TP53BP1: variants seen among roughly 807,000 people sequenced by gnomAD.
TP53BP1 encodes TP53-binding protein 1.
TP53BP1 carries 61 observed loss-of-function variants against 200.8 expected under a neutral mutation model. The ratio of observed to expected loss-of-function variants is 0.30; its 90% confidence interval spans 0.25 to 0.38. TP53BP1 has a LOEUF of 0.38. Among genes scored for constraint, TP53BP1 ranks in the 10% least tolerant of loss-of-function variants. The probability of loss-of-function intolerance (pLI) is 1.00; values close to 1 mark genes in which losing one functional copy is unlikely to be tolerated. For synonymous variants in TP53BP1, 822 were observed against 844.3 expected, an observed-to-expected ratio of 0.97 and a Z score of 0.46; for missense variants, 2,144 against 2,371.9, an observed-to-expected ratio of 0.90 and a Z score of 2.00.
Position 43,416,254 on chromosome 15 carries a change from G to T in TP53BP1, c.4844C>A (p.Pro1615His). 1 of 1,613,984 alleles carries T rather than the reference G, an allele frequency of 6.2e-7. No individual in the cohort carries two copies. Residue 1615 changes from proline to histidine, a missense_variant, in exon 22 of 28, where the codon CCT becomes CAT. By Grantham distance (77) the Pro-to-His change is moderately conservative (BLOSUM62 -2). Around this residue, in one of 4 missense-constraint regions of TP53BP1, gnomAD observed 334 missense variants for 453.4 expected, o/e 0.74. Transcript: ENST00000382044. ...GCTGATATCTGCTGCCTTTGTAAGA[G>T]GTGTTACTGCTTCATAGGGGCCAAG... ...YGLGPYEAVT[P>H]LTKAADISLD...
In TP53BP1 at chr15:43,432,658, G is replaced by T; in HGVS notation, c.3211C>A (p.Pro1071Thr). The change falls in exon 17 of 28, where the codon CCA becomes ACA. Residue 1071 changes from proline (P) to threonine (T), a missense_variant. Pro to Thr is a conservative substitution (Grantham distance 38). This residue lies in a region of TP53BP1 where 1,700 missense variants were observed against 1,710.3 expected (regional missense o/e 0.99). Coordinates refer to ENST00000382044, the MANE Select transcript of TP53BP1 (RefSeq NM_001141980.3). ...TTCTCCTCTTCTCCTTGAGAACTTG[G>T]AAAGTGGAGCAAGTTCCCCCTGAAA... is the stretch of plus-strand genomic sequence containing the variant. ...TPIRGNLLHF[P>T]SSQGEEEKEK... The T allele has an allele frequency of 6.2e-7, 1 of 1,604,368 alleles. No individual in the cohort carries two copies.
In TP53BP1 at chr15:43,493,097, T is replaced by A; in HGVS notation, c.-54A>T. ...TAGAGGTCTCTGCACGCTCCCCAAG[T>A]CCCTCCAGATCGATCCCTAGGTCGC... On this transcript the variant is annotated 5_prime_UTR_variant, in exon 1 of 28. Coordinates refer to ENST00000382044, the MANE Select transcript of TP53BP1 (RefSeq NM_001141980.3). 6.2e-7 allele frequency: 1 copy of A among 1,607,226 alleles called. No individual in the cohort carries two copies.
intron 10 of TP53BP1, among the ~76,000 whole-genome samples, chr15:43,471,378 A>G (rs940171992): frequency 6.6e-6 from 1 of 152,056 alleles, no homozygotes; most frequent in African/African-American, 2.4e-5. Flanking sequence ...AATTTCCTAT[A>G]TACTTAACAA....
chr15:43,465,668 T>C (rs559224249), intron 11 of TP53BP1, among the ~76,000 whole-genome samples: 9 of 152,004 alleles, frequency 5.9e-5, no homozygotes, highest in South Asian at 2.1e-4. Flanking sequence ...TGAATGAAAA[T>C]AGACGTATCC....
At chr15:43,480,468 T>TA (rs929372879) in intron 5 of TP53BP1, among the ~76,000 whole-genome samples, 2 of 151,470 alleles carry the variant, frequency 1.3e-5, no homozygotes, top group East Asian at 1.9e-4. Flanking sequence ...AAAATAAATT[T>TA]AAAAAAAATA....
chr15:43,461,251 G>A (rs1349452407), intron 11 of TP53BP1, among the ~76,000 whole-genome samples: 1 of 151,370 alleles, frequency 6.6e-6, no homozygotes, highest in East Asian at 1.9e-4. Context: ...GACAGGTCTT[G>A]CTCTGTTGCC....
At chr15:43,448,925 G>A (rs1443906245) in intron 12 of TP53BP1, among the ~76,000 whole-genome samples, 6 of 152,184 alleles carry the variant, frequency 3.9e-5, no homozygotes, top group African/African-American at 1.2e-4. Flanking sequence ...TCAGAAGTTC[G>A]AGACCAGCCT....
chr15:43,421,438 T>C (rs1205610462), intron 19 of TP53BP1, among the ~76,000 whole-genome samples: 2 of 152,182 alleles, frequency 1.3e-5, no homozygotes, highest in Non-Finnish European at 2.9e-5. Flanking sequence ...GCACACCCAA[T>C]TTCTGCTATG....
At chr15:43,450,384 C>T (rs1595569814) in intron 12 of TP53BP1, among the ~76,000 whole-genome samples, 4 of 152,150 alleles carry the variant, frequency 2.6e-5, no homozygotes, top group South Asian at 2.1e-4. Context: ...TTTATATATC[C>T]GGCGATATCA....
Position 43,480,024 on chromosome 15 carries a change from A to T in TP53BP1, c.500-7T>A, listed in dbSNP as rs770082724. The T allele has an allele frequency of 1.2e-6, 2 of 1,613,664 alleles. No homozygotes were observed. The highest frequency in any genetic ancestry group is 1.1e-5 in the South Asian group (1 of 91,030). ...AACTGTGATGAGGCAGTATCTAGGAACAAAATGCCAAGAAATTAGGTATCA... is the reference window on the plus strand; with the variant it reads ...AACTGTGATGAGGCAGTATCTAGGATCAAAATGCCAAGAAATTAGGTATCA... On this transcript the variant is annotated splice_polypyrimidine_tract_variant and splice_region_variant and intron_variant, in intron 5 of 27. Transcript: ENST00000382044.
chr15:43,420,330 G>A lies in TP53BP1; in HGVS notation c.4656C>T (p.Leu1552=), dbSNP rs752901497. The part of the protein sequence containing the change: ...PIPLDTEVTA[L]SEDEYFSAGV... ...CTGCACTGAAATACTCATCCTCCGAGAGGGCCGTCACTTCAGTGTCCAGCG... is the reference window on the plus strand; with the variant it reads ...CTGCACTGAAATACTCATCCTCCGAAAGGGCCGTCACTTCAGTGTCCAGCG... Residue 1552 remains leucine, a synonymous_variant, in exon 21 of 28, where the codon CTC becomes CTT. Coordinates refer to ENST00000382044, the MANE Select transcript of TP53BP1 (RefSeq NM_001141980.3). 5.6e-6 allele frequency: 9 copies of A among 1,613,802 alleles called. No individual in the cohort carries two copies. The highest frequency in any genetic ancestry group is 3.3e-5 in the Admixed American group (2 of 59,992).
chr15:43,447,757 C>G (rs1172350902), intron 12 of TP53BP1, among the ~76,000 whole-genome samples: 1 of 152,012 alleles, frequency 6.6e-6, no homozygotes, highest in African/African-American at 2.4e-5. Flanking sequence ...CCGAAGTCTG[C>G]AAGACCTGAG....
upstream of TP53BP1, among the ~76,000 whole-genome samples, chr15:43,495,840 ACCTCAG>A (rs2079180163): frequency 2.0e-5 from 3 of 151,678 alleles, no homozygotes; most frequent in Non-Finnish European, 4.4e-5. Flanking sequence ...AAGCCTAAAA[ACCTCAG>A]CCTGACTAAA....
chr15:43,404,566 T>C lies in TP53BP1; in HGVS notation c.*2817A>G, dbSNP rs2044792670. The stretch of plus-strand genomic sequence containing the variant: ...AACTCTGGGCAGGTAGGAGCAACCC[T>C]TGGGTAACTCAGTAGACTTTTTAAG... On this transcript the variant is annotated 3_prime_UTR_variant, in exon 28 of 28. Coordinates refer to ENST00000382044, the MANE Select transcript of TP53BP1 (RefSeq NM_001141980.3). 5.6e-6 allele frequency: 9 copies of C among 1,613,238 alleles called. No homozygotes were observed. Among genetic ancestry groups the C allele is most frequent in the African/African-American group, 2.7e-5 (2 of 74,904 alleles).
At position 43,456,824 on chromosome 15, in the gene TP53BP1, T is replaced by A; in HGVS notation, c.1784A>T (p.Asp595Val). Residue 595 changes from aspartate to valine, a missense_variant, in exon 12 of 28, where the codon GAT becomes GTT. Asp to Val is a radical substitution (Grantham distance 152). Transcript: ENST00000382044. Reference protein sequence around the residue: ...SQNDDKTKGDDTDTRDDISIL... With the variant: ...SQNDDKTKGDVTDTRDDISIL... ...ACTAATGTCATCCCTGGTGTCTGTA[T>A]CATCTCCCTTTGTTTTGTCATCATT... 1.9e-6 allele frequency: 3 copies of A among 1,613,964 alleles called. No individual in the cohort carries two copies. Among genetic ancestry groups the A allele is most frequent in the Non-Finnish European group, 2.5e-6 (3 of 1,180,042 alleles).
intron 4 of TP53BP1, among the ~76,000 whole-genome samples, 159 bp downstream of exon 4, chr15:43,491,510 T>A (rs2079122133): frequency 6.6e-6 from 1 of 152,230 alleles, no homozygotes; most frequent in Non-Finnish European, 1.5e-5. Flanking sequence ...TTTCCAGCTA[T>A]CAGTACTATT....
At chr15:43,439,843 T>A (rs565214153) in intron 15 of TP53BP1, among the ~76,000 whole-genome samples, 1 of 152,298 alleles carries the variant, frequency 6.6e-6, no homozygotes, top group Non-Finnish European at 1.5e-5. Context: ...TATGCACAAG[T>A]ACAGACTAAT....
Position 43,404,988 on chromosome 15 carries a change from T to C in TP53BP1, c.*2395A>G. ...AGTGGTAGCTGGCTTCCCAGAGGTC[T>C]GTCATTCCCATTCAGAAAATCACTT... is the stretch of plus-strand genomic sequence containing the variant. On this transcript the variant is annotated 3_prime_UTR_variant, in exon 28 of 28. Coordinates refer to ENST00000382044, the MANE Select transcript of TP53BP1 (RefSeq NM_001141980.3). The C allele has an allele frequency of 1.7e-6, 1 of 575,982 alleles. No homozygotes were observed. Among genetic ancestry groups the C allele is most frequent in the Non-Finnish European group, 3.0e-6 (1 of 328,866 alleles). The allele number at this position is 575,982 out of a possible 1,614,324, so 35.7% of individuals were successfully genotyped here.
intron 18 of TP53BP1, among the ~76,000 whole-genome samples, chr15:43,427,663 A>T (rs887607547): frequency 6.6e-6 from 1 of 152,166 alleles, no homozygotes; most frequent in Non-Finnish European, 1.5e-5. Flanking sequence ...TTTCTATAGA[A>T]AGAAATGTGG....
Sources: allele counts gnomAD v4.1 joint callset (sites outside exome capture counted in the v4.1 genomes callset), GRCh38; gene constraint gnomAD v4.1.1; regional missense constraint gnomAD v4.1.1; transcripts MANE v1.5; gene names NCBI Gene and HGNC (gene_info 2026-07-23, HGNC 2026-07-21).